Variants in ZBTB16 observed in about 807,000 individuals in gnomAD.
ZBTB16 encodes the protein zinc finger and BTB domain-containing protein 16.
A neutral mutation model predicts 56.8 loss-of-function variants in ZBTB16; 8 were observed. That is an observed-to-expected ratio of 0.14 (90% CI 0.08 to 0.25). ZBTB16 has a LOEUF of 0.25. Among genes scored for constraint, ZBTB16 ranks in the 10% least tolerant of loss-of-function variants. The probability of loss-of-function intolerance (pLI) is 1.00; values close to 1 mark genes in which losing one functional copy is unlikely to be tolerated. For missense variants in ZBTB16, 625 were observed against 903.0 expected (o/e 0.69, Z 3.95); for synonymous variants, 363 against 368.5 (o/e 0.98, Z 0.17).
At chr11:114,245,519 G>C (rs1442126203) in intron 5 of ZBTB16, among the ~76,000 whole-genome samples, 2 of 152,156 alleles carry the variant, frequency 1.3e-5, no homozygotes, top group Admixed American at 6.5e-5. Context: ...GAACAGATGA[G>C]AATTTATGTG....
At chr11:114,084,581 C>T (rs2606725) in intron 2 of ZBTB16, among the ~76,000 whole-genome samples, 12,393 of 151,648 alleles carry the variant, frequency 0.082, 1,706 homozygotes, top group African/African-American at 0.28. Flanking sequence ...AGCAGGTGAG[C>T]GGGTGGGGGT....
Position 114,143,297 on chromosome 11 carries a change from G to A in ZBTB16, c.1269-13040G>A, listed in dbSNP as rs1942006363. Among the ~76,000 whole-genome samples the A allele has an allele frequency of 6.6e-6, 1 of 152,176 alleles. No individual in the cohort carries two copies. The highest frequency in any genetic ancestry group is 1.5e-5 in the Non-Finnish European group (1 of 68,042). On this transcript the variant is annotated intron_variant, in intron 2 of 6. Transcript: ENST00000335953. This position sits in a 1 kb window ranked among gnomAD's most constrained non-coding sequence, Gnocchi z 6.4. ...TTTGCAAGGCTTGAGAATACAAGAT[G>A]AATGAGGCAAAGCCCTGTCTTCATG...
At chr11:114,110,405 G>A (rs549613054) in intron 2 of ZBTB16, among the ~76,000 whole-genome samples, 1 of 152,322 alleles carries the variant, frequency 6.6e-6, no homozygotes, top group South Asian at 2.1e-4. Flanking sequence ...AATACTCCAG[G>A]GAAAGCCACG....
intron 4 of ZBTB16, among the ~76,000 whole-genome samples, chr11:114,235,678 C>CTTTCT (rs1555159908): frequency 0.01 from 294 of 28,442 alleles, 2 homozygotes; most frequent in African/African-American, 0.024. Flanking sequence ...TTCTTTCTTT[C>CTTTCT]TTTCTTTCTT....
At chr11:114,205,577 G>A (rs1027046084) in intron 4 of ZBTB16, among the ~76,000 whole-genome samples, 4 of 152,134 alleles carry the variant, frequency 2.6e-5, no homozygotes, top group South Asian at 2.1e-4. Context: ...TGGGACGCAC[G>A]TTCCCCTCAA....
intron 2 of ZBTB16, among the ~76,000 whole-genome samples, chr11:114,124,247 C>T (rs1238756435): frequency 6.6e-6 from 1 of 152,012 alleles, no homozygotes; most frequent in Non-Finnish European, 1.5e-5. Flanking sequence ...TTTTTTAATA[C>T]ATCACTGTCA....
chr11:114,148,218 A>G (rs11214878), intron 2 of ZBTB16, among the ~76,000 whole-genome samples: 85,328 of 151,426 alleles, frequency 0.56, 25,212 homozygotes, highest in Middle Eastern at 0.75. Context: ...GCCCCAGGGA[A>G]TGCCATTGTC....
chr11:114,082,485 C>T (rs923316898), intron 2 of ZBTB16, among the ~76,000 whole-genome samples: 8 of 152,102 alleles, frequency 5.3e-5, no homozygotes, highest in African/African-American at 1.2e-4. Context: ...GACTTTATCC[C>T]GGGAGAGTTG....
At chr11:114,163,028 A>G (rs1231885110) in intron 3 of ZBTB16, among the ~76,000 whole-genome samples, 2 of 152,192 alleles carry the variant, frequency 1.3e-5, no homozygotes, top group Non-Finnish European at 2.9e-5. Flanking sequence ...AACACACTGT[A>G]CCCAAAGCAG....
chr11:114,088,809 CT>C (rs1019234562), intron 2 of ZBTB16, among the ~76,000 whole-genome samples: 4 of 152,158 alleles, frequency 2.6e-5, no homozygotes, highest in African/African-American at 9.7e-5. Flanking sequence ...CTTTTCTTTT[CT>C]TTTTTAATTG....
intron 2 of ZBTB16, among the ~76,000 whole-genome samples, chr11:114,142,353 T>G (rs1174660053): frequency 6.6e-6 from 1 of 152,174 alleles, no homozygotes; most frequent in Admixed American, 6.5e-5. Flanking sequence ...AAAGTACCCT[T>G]TAGTTAATTG....
At chr11:114,105,076 A>G (rs1008319867) in intron 2 of ZBTB16, among the ~76,000 whole-genome samples, 3 of 152,186 alleles carry the variant, frequency 2.0e-5, no homozygotes, top group African/African-American at 7.2e-5. Context: ...GTAATTTGGC[A>G]CTTGTTAGGT....
intron 2 of ZBTB16, among the ~76,000 whole-genome samples, chr11:114,082,003 T>TG (rs1345424188): frequency 2.0e-5 from 3 of 150,218 alleles, no homozygotes; most frequent in African/African-American, 7.4e-5. Flanking sequence ...GTGAACTGGC[T>TG]GGGTGCAGTG....
intron 2 of ZBTB16, among the ~76,000 whole-genome samples, chr11:114,088,360 C>T (rs914289628): frequency 4.6e-5 from 7 of 151,910 alleles, no homozygotes; most frequent in African/African-American, 1.7e-4. Context: ...CAGGCTGGTC[C>T]CCAACTCCTC....
chr11:114,089,148 G>A (rs1003677901), intron 2 of ZBTB16, among the ~76,000 whole-genome samples: 42 of 152,282 alleles, frequency 2.8e-4, no homozygotes, highest in African/African-American at 6.5e-4. Context: ...TGGGAGTGGC[G>A]GGCAGGGATC....
intron 2 of ZBTB16, among the ~76,000 whole-genome samples, chr11:114,130,860 G>A (rs1385942154): frequency 2.0e-5 from 3 of 152,214 alleles, no homozygotes; most frequent in Non-Finnish European, 4.4e-5. Context: ...TCAGGATAGA[G>A]CGATGATAAT....
At chr11:114,245,322 A>G (rs1260047847) in intron 5 of ZBTB16, among the ~76,000 whole-genome samples, 3 of 152,178 alleles carry the variant, frequency 2.0e-5, no homozygotes, top group African/African-American at 7.2e-5. Flanking sequence ...GCAACACCCC[A>G]TAGATTGGGG....
chr11:114,167,197 G>T (rs956627237), intron 3 of ZBTB16, among the ~76,000 whole-genome samples: 2 of 149,920 alleles, frequency 1.3e-5, no homozygotes, highest in Non-Finnish European at 3.0e-5. Context: ...GAGGAGCCTC[G>T]GGCCATTATG....
intron 4 of ZBTB16, among the ~76,000 whole-genome samples, chr11:114,201,255 G>A (rs935800180): frequency 2.0e-5 from 3 of 152,244 alleles, no homozygotes; most frequent in Non-Finnish European, 2.9e-5. Context: ...GGAGGGGGAG[G>A]AGGAGGAGGA....
Sources: allele counts gnomAD v4.1 joint callset (sites outside exome capture counted in the v4.1 genomes callset), GRCh38; gene constraint gnomAD v4.1.1; non-coding constraint Gnocchi (gnomAD v3.1); transcripts MANE v1.5; gene names NCBI Gene and HGNC (gene_info 2026-07-23, HGNC 2026-07-21).